CACNA1A: variants seen among roughly 807,000 people sequenced by gnomAD.
The protein encoded by CACNA1A is voltage-dependent P/Q-type calcium channel subunit alpha-1A.
Under a neutral mutation model 262.4 loss-of-function variants are expected in CACNA1A, and 57 were observed. The observed-to-expected ratio is 0.22, with a 90% confidence interval of 0.18 to 0.27. The LOEUF is 0.27. Among genes scored for constraint, CACNA1A ranks in the 10% least tolerant of loss-of-function variants. CACNA1A has a pLI of 1.00. For missense variants in CACNA1A, 2,526 were observed against 3,562.8 expected (o/e 0.71, Z 7.41); for synonymous variants, 1,431 against 1,419.3 (o/e 1.01, Z -0.18).
Position 13,506,063 on chromosome 19 carries a change from C to T in CACNA1A, c.162G>A (p.Gln54=), listed in dbSNP as rs762262807. ...TGTAGAGTGCCATGGTCCGCGCTCT[C>T]TGCGCCATTGACTGCTTGTACATCC... ...AQRMYKQSMA[Q]RARTMALYNP... The change falls in exon 1 of 47, where the codon CAG becomes CAA. Residue 54 remains glutamine (Q), a synonymous_variant. Transcript: ENST00000360228. 3.7e-6 allele frequency: 6 copies of T among 1,613,844 alleles called. No individual in the cohort carries two copies. Among genetic ancestry groups the T allele is most frequent in the Non-Finnish European group, 5.1e-6 (6 of 1,179,884 alleles).
chr19:13,380,860 G>T (rs113622115), intron 3 of CACNA1A, among the ~76,000 whole-genome samples: 1 of 151,432 alleles, frequency 6.6e-6, no homozygotes, highest in African/African-American at 2.4e-5. Context: ...TGCAACCTCC[G>T]CCTCCTGGGC....
At chr19:13,439,798 G>A (rs1390917508) in intron 3 of CACNA1A, among the ~76,000 whole-genome samples, 1 of 152,094 alleles carries the variant, frequency 6.6e-6, no homozygotes, top group African/African-American at 2.4e-5. Flanking sequence ...TAATCAACAG[G>A]GGGCCAGAAG....
chr19:13,391,956 G>A (rs2059716691), intron 3 of CACNA1A, among the ~76,000 whole-genome samples: 1 of 150,870 alleles, frequency 6.6e-6, no homozygotes. Flanking sequence ...AGAATCGCAT[G>A]AGCCCGGGAG....
At chr19:13,301,136 T>G (rs1418001181) in intron 17 of CACNA1A, among the ~76,000 whole-genome samples, 2 of 149,788 alleles carry the variant, frequency 1.3e-5, no homozygotes, top group Non-Finnish European at 3.0e-5. Context: ...TTTTTTTTTT[T>G]GTAGAGACAG....
rs1568569337 is a variant in CACNA1A, at chr19:13,359,804, A to G, written c.785-5T>C. 1 of 1,501,998 alleles carries G rather than the reference A, an allele frequency of 6.7e-7. No individual in the cohort carries two copies. The highest frequency in any genetic ancestry group is 2.5e-5 in the East Asian group (1 of 40,326). 93.0% of individuals were successfully genotyped at this position (1,501,998 alleles called of 1,614,324 possible). A position where few individuals can be genotyped will look rare whatever the true frequency, so the allele number is the denominator to read the frequency against. Reference sequence around the variant, plus strand: ...GAGACTCACCCTGAATGTCATCTACAAAAGGGAAGGGGAGAAAAGTCAGGG... The same window carrying G: ...GAGACTCACCCTGAATGTCATCTACGAAAGGGAAGGGGAGAAAAGTCAGGG... On this transcript the variant is annotated splice_polypyrimidine_tract_variant and splice_region_variant and intron_variant, in intron 5 of 46. Coordinates refer to ENST00000360228, the MANE Select transcript of CACNA1A (RefSeq NM_001127222.2).
intron 1 of CACNA1A, among the ~76,000 whole-genome samples, chr19:13,487,569 T>C (rs1325503338): frequency 6.6e-6 from 1 of 151,904 alleles, no homozygotes; most frequent in African/African-American, 2.4e-5. Context: ...AGAGAGGTGA[T>C]GGTTGCACAA....
chr19:13,207,975 G>A lies in CACNA1A; in HGVS notation c.6859C>T (p.Pro2287Ser). ...GGCCGGGGGGTGGAGGGGGTCTGGGGGAGCTGGCGGCGGCCCCGCCGCGGA... is the reference window on the plus strand; with the variant it reads ...GGCCGGGGGGTGGAGGGGGTCTGGGAGAGCTGGCGGCGGCCCCGCCGCGGA... The part of the protein sequence containing the change: ...STPRRGRRQL[P>S]QTPSTPRPHV... The change falls in exon 47 of 47, where the codon CCC becomes TCC. Residue 2287 changes from proline (P) to serine (S), a missense_variant. Physicochemically the swap from Pro to Ser is moderately conservative, Grantham distance 74. This residue lies in a region of CACNA1A where 929 missense variants were observed against 868.1 expected (regional missense o/e 1.07). Transcript: ENST00000360228. This position sits in a 1 kb window ranked among gnomAD's most constrained non-coding sequence, Gnocchi z 5.7. The A allele has an allele frequency of 7.5e-7, 1 of 1,334,108 alleles. No homozygotes were observed. Among genetic ancestry groups the A allele is most frequent in the East Asian group, 3.1e-5 (1 of 32,506 alleles). The allele number at this position is 1,334,108 out of a possible 1,614,324, so 82.6% of individuals were successfully genotyped here. A position where few individuals can be genotyped will look rare whatever the true frequency, so the allele number is the denominator to read the frequency against.
chr19:13,420,972 A>T (rs1374460792), intron 3 of CACNA1A, among the ~76,000 whole-genome samples: 1 of 152,208 alleles, frequency 6.6e-6, no homozygotes, highest in Non-Finnish European at 1.5e-5. Context: ...ATTTCCCAGC[A>T]TCCCTAGCAG....
At chr19:13,315,753 G>T (rs1022853412) in intron 11 of CACNA1A, 1 of 152,084 alleles carries the variant, frequency 6.6e-6, no homozygotes, top group Non-Finnish European at 1.5e-5. Flanking sequence ...CTAGGCTCAC[G>T]GGCCTTTCTA....
chr19:13,437,691 C>CAAAAA (rs35266881), intron 3 of CACNA1A, among the ~76,000 whole-genome samples: 8 of 64,888 alleles, frequency 1.2e-4, no homozygotes, highest in South Asian at 6.2e-4. Context: ...AACCCCATCT[C>CAAAAA]AAAAAAAAAA....
intron 3 of CACNA1A, among the ~76,000 whole-genome samples, chr19:13,376,880 C>CAT (rs1362806695): frequency 7.2e-6 from 1 of 138,670 alleles, no homozygotes; most frequent in Admixed American, 7.3e-5. Context: ...ATATATAACA[C>CAT]ATGATATATG....
chr19:13,496,040 TCAACCATCCATC>T (rs1981471067), intron 1 of CACNA1A, among the ~76,000 whole-genome samples: 1 of 123,282 alleles, frequency 8.1e-6, no homozygotes, highest in African/African-American at 2.8e-5. Context: ...ATGCATCTGT[TCAACCATCCATC>T]CATCCATCCA....
intron 3 of CACNA1A, 63 bp downstream of exon 3, chr19:13,452,813 C>T (rs2144935464): frequency 6.5e-7 from 1 of 1,537,142 alleles, no homozygotes; most frequent in Non-Finnish European, 8.9e-7. Context: ...CGGACCACAC[C>T]AACCAAAAGC....
intron 3 of CACNA1A, among the ~76,000 whole-genome samples, chr19:13,389,348 CTTATATAGA>C (rs1437558676): frequency 6.6e-6 from 1 of 152,172 alleles, no homozygotes; most frequent in Non-Finnish European, 1.5e-5. Context: ...TTCAGCTCCC[CTTATATAGA>C]TGGTGCTGGA....
chr19:13,434,319 C>T (rs1468163967), intron 3 of CACNA1A, among the ~76,000 whole-genome samples: 2 of 152,098 alleles, frequency 1.3e-5, no homozygotes, highest in African/African-American at 4.8e-5. Context: ...ATTACTGATA[C>T]CTTCATTTGT....
chr19:13,232,186 TC>T (rs1352642867), intron 34 of CACNA1A, among the ~76,000 whole-genome samples: 1 of 151,704 alleles, frequency 6.6e-6, no homozygotes, highest in African/African-American at 2.4e-5. Context: ...TCTTTTCCTT[TC>T]TTTTCTCTCT....
chr19:13,475,975 G>A (rs1418410720), intron 1 of CACNA1A, among the ~76,000 whole-genome samples: 1 of 152,190 alleles, frequency 6.6e-6, no homozygotes, highest in East Asian at 1.9e-4. Context: ...GGGTTTATAT[G>A]AGGCTATATA....
intron 4 of CACNA1A, 113 bp downstream of exon 4, chr19:13,371,575 C>T: frequency 1.4e-6 from 1 of 740,230 alleles, no homozygotes. Flanking sequence ...AAGAGACTGC[C>T]CTCACACAGG....
At chr19:13,498,769 T>C (rs1981990269) in intron 1 of CACNA1A, among the ~76,000 whole-genome samples, 1 of 152,158 alleles carries the variant, frequency 6.6e-6, no homozygotes, top group African/African-American at 2.4e-5. Flanking sequence ...CCCCCTTTCT[T>C]GGTCAACGGC....
Sources: gnomAD v4.1 joint callset for allele counts (sites outside exome capture counted in the v4.1 genomes callset) on GRCh38, gnomAD v4.1.1 for gene constraint, gnomAD v4.1.1 regional missense constraint, Gnocchi (gnomAD v3.1) non-coding constraint, MANE v1.5 for transcripts, NCBI Gene and HGNC (gene_info 2026-07-23, HGNC 2026-07-21) for gene names.